The following LRRC8D variants were observed in gnomAD, a reference collection of about 807,000 sequenced individuals.
LRRC8D encodes the protein leucine rich repeat containing 8 VRAC subunit D.
LRRC8D carries 20 observed loss-of-function variants against 55.8 expected under a neutral mutation model. The ratio of observed to expected loss-of-function variants is 0.36; its 90% CI spans 0.25 to 0.52. The LOEUF (loss-of-function observed/expected upper bound fraction) is 0.52. Among genes scored for constraint, LRRC8D ranks in the 20% least tolerant of loss-of-function variants. The probability of loss-of-function intolerance (pLI) is 0.93; values close to 1 mark genes in which losing one functional copy is unlikely to be tolerated. For synonymous variants in LRRC8D, 352 were observed against 377.0 expected (o/e 0.93, Z 0.77); for missense variants, 651 against 1,030.8 (o/e 0.63, Z 5.05).
Position 89,821,306 on chromosome 1 carries a change from C to T in LRRC8D, c.-148+15C>T, listed in dbSNP as rs1185445643. ...TGCACCCCAAGGTTGGTGCGCACCT[C>T]TCCCGGCAGGGGCCGGGGGCTGCGA... On this transcript the variant is annotated intron_variant, in intron 1 of 2. Coordinates refer to ENST00000337338, the MANE Select transcript of LRRC8D (RefSeq NM_001134479.2). 1 of 152,030 alleles carries T rather than the reference C, an allele frequency of 6.6e-6. No homozygotes were observed. The highest frequency in any genetic ancestry group is 2.4e-5 in the African/African-American group (1 of 41,442). The allele number at this position is 152,030 out of a possible 1,614,324, so 9.4% of individuals were successfully genotyped here.
At chr1:89,880,994 A>G (rs1381391126) in intron 2 of LRRC8D, among the ~76,000 whole-genome samples, 1 of 152,230 alleles carries the variant, frequency 6.6e-6, no homozygotes, top group Non-Finnish European at 1.5e-5. Context: ...ACTTTGCCTC[A>G]GATGATCCTA....
At position 89,934,177 on chromosome 1, in the gene LRRC8D, T is replaced by C. The variant is rs550850674; in HGVS notation, c.1109T>C (p.Ile370Thr). ...TTGAAAAAGCTTCTCATCAGTTACATATCCATTATTTGTGTTTATGGCTTT... is the reference window on the plus strand; with the variant it reads ...TTGAAAAAGCTTCTCATCAGTTACACATCCATTATTTGTGTTTATGGCTTT... ...YMLKKLLISY[I>T]SIICVYGFIC... Residue 370 changes from isoleucine (I) to threonine (T), a missense_variant, in exon 3 of 3, where the codon ATA becomes ACA. By Grantham distance (89) the Ile-to-Thr change is moderately conservative. This residue lies in a region of LRRC8D where 178 missense variants were observed against 374.9 expected (regional missense o/e 0.47). Transcript: ENST00000337338. This position sits in a 1 kb window ranked among gnomAD's most constrained non-coding sequence, Gnocchi z 5.9. 1 of 1,614,164 alleles carries C rather than the reference T, an allele frequency of 6.2e-7. No individual in the cohort carries two copies. The highest frequency in any genetic ancestry group is 1.7e-5 in the Admixed American group (1 of 60,022).
rs1570823828 is a variant in LRRC8D at position 89,854,381 on chromosome 1, A to T, written c.-3+10599A>T. Among the ~76,000 whole-genome samples, 5 of 149,702 alleles carry T rather than the reference A, an allele frequency of 3.3e-5. No homozygotes were observed. In the East Asian group the frequency reaches 9.8e-4, roughly 29 times the overall value. On this transcript the variant is annotated intron_variant, in intron 2 of 2. Transcript: ENST00000337338. ...AGTGGTGGTTAGGTGCTGACGGAGG[A>T]TTTTTTTTTTTCTGTTTGATAGAGT...
At chr1:89,907,183 C>CTTTTTTTTTTTTTTTT in intron 2 of LRRC8D, among the ~76,000 whole-genome samples, 1 of 69,774 alleles carries the variant, frequency 1.4e-5, no homozygotes, top group Admixed American at 2.1e-4. Flanking sequence ...TCCACTGTGT[C>CTTTTTTTTTTTTTTTT]TTTTTTTTTT....
intron 1 of LRRC8D, among the ~76,000 whole-genome samples, chr1:89,841,960 C>T (rs10754294): frequency 0.45 from 68,840 of 151,492 alleles, 16,990 homozygotes; most frequent in East Asian, 0.97. Flanking sequence ...CGCCTGTAAT[C>T]CCAGCACTTT....
intron 2 of LRRC8D, among the ~76,000 whole-genome samples, chr1:89,893,268 G>A (rs1356318689): frequency 6.6e-6 from 1 of 152,176 alleles, no homozygotes; most frequent in African/African-American, 2.4e-5. Flanking sequence ...GCAGAGGGAT[G>A]AGCACGTGCA....
chr1:89,925,245 G>A (rs1177246868), intron 2 of LRRC8D, among the ~76,000 whole-genome samples: 1 of 152,152 alleles, frequency 6.6e-6, no homozygotes, highest in East Asian at 1.9e-4. Flanking sequence ...AGAATCTAAT[G>A]TCCGATGATT....
intron 2 of LRRC8D, among the ~76,000 whole-genome samples, chr1:89,912,179 G>C (rs532908894): frequency 6.6e-6 from 1 of 152,160 alleles, no homozygotes; most frequent in South Asian, 2.1e-4. Context: ...CTATAGAGTA[G>C]TTTTCTCCTT....
rs182544506 is a variant in LRRC8D, at chr1:89,852,832, C to G, written c.-3+9050C>G. Among the ~76,000 whole-genome samples, 4 of 152,192 alleles carry G rather than the reference C, an allele frequency of 2.6e-5. No individual in the cohort carries two copies. In the East Asian group the frequency reaches 5.8e-4, roughly 22 times the overall value. ...GGGCTCAGTGAATGTGGAACATGGA[C>G]TAGGAGTGAATGGAGCCAAGCGATG... is the stretch of plus-strand genomic sequence containing the variant. On this transcript the variant is annotated intron_variant, in intron 2 of 2. Transcript: ENST00000337338.
chr1:89,918,097 T>G (rs1663318841), intron 2 of LRRC8D, among the ~76,000 whole-genome samples: 1 of 152,220 alleles, frequency 6.6e-6, no homozygotes, highest in Non-Finnish European at 1.5e-5. Flanking sequence ...AGAAGAAGAC[T>G]TAGAGTTAAT....
chr1:89,926,059 A>G (rs1356523925), intron 2 of LRRC8D, among the ~76,000 whole-genome samples: 1 of 152,198 alleles, frequency 6.6e-6, no homozygotes, highest in Non-Finnish European at 1.5e-5. Context: ...CTATTTCTTC[A>G]GTCAAAATTG....
chr1:89,895,408 A>G (rs1399135029), intron 2 of LRRC8D, among the ~76,000 whole-genome samples: 1 of 152,202 alleles, frequency 6.6e-6, no homozygotes, highest in Non-Finnish European at 1.5e-5. Flanking sequence ...ATTTTATCTC[A>G]AATATCTGCT....
At chr1:89,924,299 G>T (rs1392826187) in intron 2 of LRRC8D, among the ~76,000 whole-genome samples, 1 of 152,184 alleles carries the variant, frequency 6.6e-6, no homozygotes, top group African/African-American at 2.4e-5. Context: ...CATACATGCA[G>T]CCAACAAATA....
intron 2 of LRRC8D, among the ~76,000 whole-genome samples, chr1:89,928,501 C>T (rs2100989991): frequency 6.6e-6 from 1 of 152,226 alleles, no homozygotes; most frequent in Admixed American, 6.5e-5. Flanking sequence ...AGCAAGGGCA[C>T]AAAACTTCTG....
chr1:89,904,098 A>G (rs991135906), intron 2 of LRRC8D, among the ~76,000 whole-genome samples: 5 of 152,250 alleles, frequency 3.3e-5, no homozygotes, highest in Non-Finnish European at 1.5e-5. Flanking sequence ...GGCCTAAAGA[A>G]TTAAAGTGGG....
At chr1:89,913,847 T>C (rs1336598548) in intron 2 of LRRC8D, among the ~76,000 whole-genome samples, 1 of 152,200 alleles carries the variant, frequency 6.6e-6, no homozygotes, top group Non-Finnish European at 1.5e-5. Context: ...CTACTAGTAA[T>C]GGAATGAATA....
intron 2 of LRRC8D, among the ~76,000 whole-genome samples, chr1:89,855,666 C>T (rs1661534354): frequency 6.6e-6 from 1 of 152,204 alleles, no homozygotes; most frequent in Non-Finnish European, 1.5e-5. Context: ...ACAATTGCCT[C>T]TCCACCTCTT....
chr1:89,935,176 C>T lies in LRRC8D; in HGVS notation c.2108C>T (p.Thr703Ile), dbSNP rs1663809337. ...ATTGTTACTATTCCTCCCTCTATTA[C>T]CCATGTCAAAAACTTGGAGTCACTT... Reference protein sequence around the residue: ...NKIVTIPPSITHVKNLESLYF... With the variant: ...NKIVTIPPSIIHVKNLESLYF... Residue 703 changes from threonine to isoleucine, a missense_variant, in exon 3 of 3, where the codon ACC becomes ATC. Physicochemically the swap from Thr to Ile is moderately conservative, Grantham distance 89. Transcript: ENST00000337338. The T allele has an allele frequency of 6.2e-7, 1 of 1,614,032 alleles. No individual in the cohort carries two copies. The highest frequency in any genetic ancestry group is 8.5e-7 in the Non-Finnish European group (1 of 1,179,992).
chr1:89,918,022 T>C (rs891858563), intron 2 of LRRC8D, among the ~76,000 whole-genome samples: 1 of 152,232 alleles, frequency 6.6e-6, no homozygotes, highest in African/African-American at 2.4e-5. Context: ...ATTTGCATAG[T>C]GTTAACACTT....
Sources: allele counts gnomAD v4.1 joint callset (sites outside exome capture counted in the v4.1 genomes callset), GRCh38; gene constraint gnomAD v4.1.1; regional missense constraint gnomAD v4.1.1; non-coding constraint Gnocchi (gnomAD v3.1); transcripts MANE v1.5; gene names NCBI Gene and HGNC (gene_info 2026-07-23, HGNC 2026-07-21).